CENPP: variants seen among roughly 807,000 people sequenced by gnomAD.
The protein encoded by CENPP is centromere protein P.
Under a neutral mutation model 35.6 loss-of-function variants are expected in CENPP, and 24 were observed. That is an observed-to-expected ratio of 0.67 (90% confidence interval 0.49 to 0.95). The LOEUF (loss-of-function observed/expected upper bound fraction) is 0.95. Among genes scored for constraint, CENPP ranks in the 40% least tolerant of loss-of-function variants. CENPP has a pLI of 0.00. For missense variants in CENPP, 332 were observed against 345.3 expected, an observed-to-expected ratio of 0.96 and a Z score of 0.31; for synonymous variants, 120 against 125.5, an observed-to-expected ratio of 0.96 and a Z score of 0.29.
chr9:92,586,319 A>G (rs1850539605), intron 5 of CENPP, among the ~76,000 whole-genome samples: 1 of 152,144 alleles, frequency 6.6e-6, no homozygotes, highest in East Asian at 1.9e-4. Context: ...TGCTGGGATT[A>G]CAGGCATGAG....
intron 5 of CENPP, among the ~76,000 whole-genome samples, chr9:92,507,782 CCT>C (rs896757598): frequency 1.3e-5 from 2 of 151,802 alleles, no homozygotes; most frequent in African/African-American, 4.8e-5. Context: ...ACCTTTCACA[CCT>C]CTCTCTCAAT....
At chr9:92,581,064 T>G (rs201529477) in intron 5 of CENPP, among the ~76,000 whole-genome samples, 11 of 152,214 alleles carry the variant, frequency 7.2e-5, no homozygotes, top group African/African-American at 2.2e-4. Flanking sequence ...TATGTACCCA[T>G]TAGTCATTCA....
chr9:92,571,291 A>G (rs948378633), intron 5 of CENPP, among the ~76,000 whole-genome samples: 4 of 152,032 alleles, frequency 2.6e-5, no homozygotes, highest in African/African-American at 9.7e-5. Flanking sequence ...CTTTGTTCTC[A>G]TTGGTTTCAA....
At chr9:92,439,967 A>G (rs1477766527) in intron 5 of CENPP, among the ~76,000 whole-genome samples, 1 of 152,196 alleles carries the variant, frequency 6.6e-6, no homozygotes, top group Non-Finnish European at 1.5e-5. Context: ...GCTTTCCCCC[A>G]TTTGAGTTAC....
At chr9:92,567,626 G>A (rs1199762079) in intron 5 of CENPP, among the ~76,000 whole-genome samples, 1 of 151,920 alleles carries the variant, frequency 6.6e-6, no homozygotes, top group African/African-American at 2.4e-5. Flanking sequence ...TTCAAACACT[G>A]CTTTCTACAT....
intron 5 of CENPP, among the ~76,000 whole-genome samples, chr9:92,492,603 C>T (rs916237662): frequency 1.3e-5 from 2 of 152,086 alleles, no homozygotes; most frequent in Non-Finnish European, 2.9e-5. Flanking sequence ...TATCTTTCTC[C>T]CCTCGTTGGT....
intron 5 of CENPP, among the ~76,000 whole-genome samples, chr9:92,460,865 G>C (rs1845082636): frequency 6.6e-6 from 1 of 152,104 alleles, no homozygotes; most frequent in Non-Finnish European, 1.5e-5. Context: ...TTTTAGTAGA[G>C]ATGGGGTTTC....
rs1388436875 is a variant in CENPP, at chr9:92,532,023, TTTTTTATTTTA to T, written c.565-79285_565-79275del. On this transcript the variant is annotated intron_variant, in intron 5 of 7. Coordinates refer to ENST00000375587, the MANE Select transcript of CENPP (RefSeq NM_001012267.3). ...TTCTTTTTTTATTTAATGTTTTTTT[TTTTTTATTTTA>T]TTTTTTTTTTGAGATGAGGTCTCAC... Among the ~76,000 whole-genome samples, 47 of 128,666 alleles carry T rather than the reference TTTTTTATTTTA, an allele frequency of 3.7e-4. 6 individuals are homozygous for T. Among genetic ancestry groups the T allele is most frequent in the Non-Finnish European group, 4.9e-4 (31 of 62,850 alleles). 84.4% of individuals were successfully genotyped at this position (128,666 alleles called of 152,430 possible).
In CENPP at chr9:92,415,316, T is replaced by C. The variant is rs35709442; in HGVS notation, c.564+35457T>C. On this transcript the variant is annotated intron_variant, in intron 5 of 7. Coordinates refer to ENST00000375587, the MANE Select transcript of CENPP (RefSeq NM_001012267.3). Reference sequence around the variant, plus strand: ...TTTAGTTGTATTGTTTGACCATTAGTGCTTCGTTGTTCACCATAATAAATA... The same window carrying C: ...TTTAGTTGTATTGTTTGACCATTAGCGCTTCGTTGTTCACCATAATAAATA... 1,090 of 1,613,754 alleles carry C rather than the reference T, an allele frequency of 6.8e-4. 6 individuals are homozygous for C. In the Middle Eastern group the frequency reaches 0.013, roughly 20 times the overall value.
At position 92,460,647 on chromosome 9, in the gene CENPP, ATT is replaced by A; in HGVS notation, c.564+80789_564+80790del. ...TATTTGTTTACTTTTCAAGTTTCAG[ATT>A]ATGGATTTAGGCAACTTTTTAGGCA... On this transcript the variant is annotated intron_variant, in intron 5 of 7. Coordinates refer to ENST00000375587, the MANE Select transcript of CENPP (RefSeq NM_001012267.3). 3.1e-6 allele frequency: 3 copies of A among 961,614 alleles called. No individual in the cohort carries two copies. The South Asian group carries it at 4.8e-5, about 15-fold the overall frequency. The allele number at this position is 961,614 out of a possible 1,614,324, so 59.6% of individuals were successfully genotyped here. A position where few individuals can be genotyped will look rare whatever the true frequency, so the allele number is the denominator to read the frequency against.
intron 5 of CENPP, chr9:92,474,658 C>T (rs1373464617): frequency 6.2e-7 from 1 of 1,613,742 alleles, no homozygotes; most frequent in African/African-American, 1.3e-5. Context: ...GTGAATAGCA[C>T]TGACATCCAA....
At chr9:92,557,827 TAG>T (rs1849760366) in intron 5 of CENPP, among the ~76,000 whole-genome samples, 1 of 152,088 alleles carries the variant, frequency 6.6e-6, no homozygotes, top group Non-Finnish European at 1.5e-5. Context: ...ATTTTTTTAG[TAG>T]AGACGGGATT....
At chr9:92,493,080 A>G (rs1846218016) in intron 5 of CENPP, among the ~76,000 whole-genome samples, 1 of 152,234 alleles carries the variant, frequency 6.6e-6, no homozygotes, top group African/African-American at 2.4e-5. Flanking sequence ...GAGCTGGAGA[A>G]AGGGAAGAGA....
At chr9:92,327,003 A>G (rs1840555615) in intron 1 of CENPP, among the ~76,000 whole-genome samples, 1 of 152,216 alleles carries the variant, frequency 6.6e-6, no homozygotes, top group Non-Finnish European at 1.5e-5. Context: ...GGGAGAGGAA[A>G]AAGGTGTGCT....
intron 5 of CENPP, among the ~76,000 whole-genome samples, chr9:92,520,017 C>T (rs1847961805): frequency 1.1e-5 from 1 of 90,436 alleles, no homozygotes; most frequent in Non-Finnish European, 2.1e-5. Flanking sequence ...TACAGTGGCT[C>T]TCGCTTGTAA....
At chr9:92,595,276 C>T (rs373149723) in intron 5 of CENPP, among the ~76,000 whole-genome samples, 10 of 152,130 alleles carry the variant, frequency 6.6e-5, no homozygotes, top group African/African-American at 2.2e-4. Flanking sequence ...AGATCTCACT[C>T]TCTCATCCAG....
intron 5 of CENPP, chr9:92,510,121 A>C: frequency 6.9e-7 from 1 of 1,445,582 alleles, no homozygotes; most frequent in Non-Finnish European, 9.2e-7. Flanking sequence ...TAAAAGTCTC[A>C]CAAACCTATC....
intron 5 of CENPP, among the ~76,000 whole-genome samples, chr9:92,443,308 C>T (rs866528535): frequency 1.2e-4 from 18 of 152,128 alleles, no homozygotes; most frequent in South Asian, 2.1e-4. Flanking sequence ...ATTACCAATA[C>T]ATAATTGGAA....
chr9:92,348,906 T>C (rs1389472462), intron 4 of CENPP, among the ~76,000 whole-genome samples: 1 of 152,176 alleles, frequency 6.6e-6, no homozygotes, highest in African/African-American at 2.4e-5. Flanking sequence ...ACTGCGATGA[T>C]TGTTATCTTT....
Sources: allele counts gnomAD v4.1 joint callset (sites outside exome capture counted in the v4.1 genomes callset), GRCh38; gene constraint gnomAD v4.1.1; transcripts MANE v1.5; gene names NCBI Gene and HGNC (gene_info 2026-07-23, HGNC 2026-07-21).